The following WARS2 variants were observed in gnomAD, a reference collection of about 807,000 sequenced individuals.
WARS2 encodes the protein tryptophanyl tRNA synthetase 2, mitochondrial.
In WARS2, 28 loss-of-function variants were observed where a neutral mutation model predicts 36.5. The observed-to-expected ratio is 0.77, with a 90% CI of 0.57 to 1.05. The LOEUF (loss-of-function observed/expected upper bound fraction) is 1.05, where lower values mean the gene tolerates loss of function less well. WARS2 is among the 50% of genes least tolerant of loss of function. The pLI is 0.00. For missense variants in WARS2, 435 were observed against 456.8 expected (o/e 0.95, Z 0.44); for synonymous variants, 174 against 178.4 (o/e 0.98, Z 0.20).
rs373649016 is a variant in WARS2 at position 119,033,189 on chromosome 1, G to A, written c.805C>T (p.Arg269Cys). The change falls in exon 6 of 6, where the codon CGC becomes TGC. Residue 269 changes from arginine (R) to cysteine (C), a missense_variant. Coordinates refer to ENST00000235521, the MANE Select transcript of WARS2 (RefSeq NM_015836.4). ...TSEVTYDPAG[R>C]AGVSNIVAVH... ...GCCACTATGTTGGACACGCCAGCGCGGCCAGCCGGGTCATAGGTGACCTCC... is the reference window on the plus strand; with the variant it reads ...GCCACTATGTTGGACACGCCAGCGCAGCCAGCCGGGTCATAGGTGACCTCC... 1.2e-6 allele frequency: 2 copies of A among 1,614,102 alleles called. No homozygotes were observed. The highest frequency in any genetic ancestry group is 1.3e-5 in the African/African-American group (1 of 74,948).
intron 1 of WARS2, among the ~76,000 whole-genome samples, chr1:119,084,799 A>C (rs1469799717): frequency 6.6e-6 from 1 of 152,208 alleles, no homozygotes; most frequent in African/African-American, 2.4e-5. Flanking sequence ...ACTCTGGTTC[A>C]GGGACAATGA....
intron 1 of WARS2, among the ~76,000 whole-genome samples, chr1:119,084,012 T>C (rs900203645): frequency 5.9e-5 from 9 of 152,024 alleles, no homozygotes; most frequent in Non-Finnish European, 1.2e-4. Flanking sequence ...AATTTAGTTT[T>C]TCCTCATACG....
intron 1 of WARS2, among the ~76,000 whole-genome samples, chr1:119,138,667 C>A (rs887052034): frequency 6.6e-6 from 1 of 152,100 alleles, no homozygotes; most frequent in Non-Finnish European, 1.5e-5. Flanking sequence ...AATTTTGTAT[C>A]TTTTCTCAGT....
At chr1:119,116,069 G>C (rs1654947196) in intron 1 of WARS2, among the ~76,000 whole-genome samples, 1 of 152,164 alleles carries the variant, frequency 6.6e-6, no homozygotes, top group Non-Finnish European at 1.5e-5. Flanking sequence ...AAGTACATTT[G>C]TATAGTAAGG....
At chr1:119,127,269 C>T (rs760317697) in intron 1 of WARS2, 35 of 740,826 alleles carry the variant, frequency 4.7e-5, no homozygotes, top group African/African-American at 7.0e-5. Context: ...TTTCATAAGG[C>T]GCTTGTTCTT....
rs375049906 is a variant in WARS2 at position 119,111,798 on chromosome 1, A to G, written c.90+28757T>C. On this transcript the variant is annotated intron_variant, in intron 1 of 5. Transcript: ENST00000235521. Reference sequence around the variant, plus strand: ...GGGAGGTTTCTGCTCATGGGTTTTTATACCAGTACATTGTGGTTCTCTGTA... The same window carrying G: ...GGGAGGTTTCTGCTCATGGGTTTTTGTACCAGTACATTGTGGTTCTCTGTA... Among the ~76,000 whole-genome samples, 6 of 152,228 alleles carry G rather than the reference A, an allele frequency of 3.9e-5. 1 individual carries two copies. The highest frequency in any genetic ancestry group is 1.4e-4 in the African/African-American group (6 of 41,552).
At chr1:119,092,820 TAATA>T (rs1344808636) in intron 1 of WARS2, among the ~76,000 whole-genome samples, 1 of 152,230 alleles carries the variant, frequency 6.6e-6, no homozygotes, top group African/African-American at 2.4e-5. Flanking sequence ...AGAAAATGCT[TAATA>T]AATATTAGCT....
At chr1:119,097,902 T>C (rs1341342242) in intron 1 of WARS2, among the ~76,000 whole-genome samples, 2 of 152,172 alleles carry the variant, frequency 1.3e-5, no homozygotes, top group Non-Finnish European at 2.9e-5. Context: ...TTTCCCAAGA[T>C]GAGTAGGGAA....
chr1:119,042,959 C>A (rs114887872), intron 3 of WARS2, among the ~76,000 whole-genome samples: 1 of 152,070 alleles, frequency 6.6e-6, no homozygotes, highest in Non-Finnish European at 1.5e-5. Flanking sequence ...GTCAAGTGAC[C>A]CAATGAGCAG....
chr1:119,134,240 T>C (rs587724748), intron 1 of WARS2, among the ~76,000 whole-genome samples: 20 of 138,936 alleles, frequency 1.4e-4, no homozygotes, highest in African/African-American at 4.8e-4. Flanking sequence ...ATGCAAAAGA[T>C]GTAGAAGTGG....
chr1:119,136,459 A>T (rs1335178539), intron 1 of WARS2, among the ~76,000 whole-genome samples: 2 of 152,250 alleles, frequency 1.3e-5, no homozygotes, highest in Non-Finnish European at 1.5e-5. Context: ...CACTTTAAAC[A>T]AATAAGACTC....
intron 5 of WARS2, 173 bp from the exon 6 acceptor site, chr1:119,033,532 C>G: frequency 1.3e-6 from 1 of 747,124 alleles, no homozygotes; most frequent in Non-Finnish European, 2.2e-6. Context: ...GAAATACCCA[C>G]ACAACCATTC....
intron 1 of WARS2, among the ~76,000 whole-genome samples, chr1:119,112,253 G>GTGGA (rs1654692119): frequency 6.6e-6 from 1 of 152,134 alleles, no homozygotes; most frequent in Non-Finnish European, 1.5e-5. Context: ...TTAGGATGAA[G>GTGGA]TGGAGATGTC....
At chr1:119,039,418 C>T (rs1238094922) in intron 4 of WARS2, among the ~76,000 whole-genome samples, 4 of 151,686 alleles carry the variant, frequency 2.6e-5, no homozygotes, top group Non-Finnish European at 5.9e-5. Flanking sequence ...TATACATACA[C>T]ACAAACAGAG....
At chr1:119,042,846 C>T (rs181265777) in intron 3 of WARS2, among the ~76,000 whole-genome samples, 2 of 152,212 alleles carry the variant, frequency 1.3e-5, no homozygotes, top group Middle Eastern at 3.4e-3. Flanking sequence ...ACAAAAAAGT[C>T]ATGGCATTTA....
intron 1 of WARS2, among the ~76,000 whole-genome samples, chr1:119,116,779 G>T (rs944259557): frequency 4.6e-5 from 7 of 152,206 alleles, no homozygotes; most frequent in Admixed American, 4.6e-4. Context: ...TCTCACAGAG[G>T]TCCTTGGAGA....
intron 1 of WARS2, among the ~76,000 whole-genome samples, chr1:119,113,008 T>A (rs1434842034): frequency 6.6e-6 from 1 of 152,076 alleles, no homozygotes; most frequent in Non-Finnish European, 1.5e-5. Flanking sequence ...GTAAGGTCAA[T>A]AGATAAGTGA....
chr1:119,068,198 T>C (rs533048186), intron 2 of WARS2, among the ~76,000 whole-genome samples: 3 of 152,280 alleles, frequency 2.0e-5, no homozygotes, highest in South Asian at 2.1e-4. Flanking sequence ...GCGAACAACT[T>C]TGAGAGTTTA....
chr1:119,071,071 T>C (rs1179671973), intron 2 of WARS2, among the ~76,000 whole-genome samples: 2 of 152,044 alleles, frequency 1.3e-5, no homozygotes, highest in Non-Finnish European at 2.9e-5. Flanking sequence ...TAATCCCAAC[T>C]ACTTGGGAGG....
Sources: gnomAD v4.1 joint callset for allele counts (sites outside exome capture counted in the v4.1 genomes callset) on GRCh38, gnomAD v4.1.1 for gene constraint, MANE v1.5 for transcripts, NCBI Gene and HGNC (gene_info 2026-07-23, HGNC 2026-07-21) for gene names.